Variants in EFL1 observed in about 807,000 individuals in gnomAD.
EFL1 encodes the protein elongation factor like GTPase 1.
In EFL1, 76 loss-of-function variants were observed where a neutral mutation model predicts 126.7. That is an observed-to-expected ratio of 0.60 (90% CI 0.50 to 0.73). The LOEUF is 0.73. Ranked by LOEUF, EFL1 falls within the 30% of genes least tolerant of loss-of-function variation. The pLI, the probability that EFL1 is intolerant of heterozygous loss-of-function variation, is 0.00. For synonymous variants in EFL1, 410 were observed against 448.4 expected, an observed-to-expected ratio of 0.91 and a Z score of 1.08; for missense variants, 1,128 against 1,343.2, an observed-to-expected ratio of 0.84 and a Z score of 2.50.
chr15:82,173,173 T>C (rs1344990392), intron 15 of EFL1, among the ~76,000 whole-genome samples: 1 of 152,028 alleles, frequency 6.6e-6, no homozygotes, highest in Non-Finnish European at 1.5e-5. Context: ...TATAATGAAT[T>C]CATACAATGG....
chr15:82,130,241 A>C lies in EFL1; in HGVS notation c.*132T>G. On this transcript the variant is annotated 3_prime_UTR_variant, in exon 20 of 20. Transcript: ENST00000268206. ...TGTTCTCTAACATCCTCTTTAAAATATTTATATGGATCAACTTTATTGAAA... is the reference window on the plus strand; with the variant it reads ...TGTTCTCTAACATCCTCTTTAAAATCTTTATATGGATCAACTTTATTGAAA... 9.7e-7 allele frequency: 1 copy of C among 1,028,292 alleles called. No homozygotes were observed. The highest frequency in any genetic ancestry group is 2.6e-5 in the East Asian group (1 of 38,086). 63.7% of individuals were successfully genotyped at this position (1,028,292 alleles called of 1,614,324 possible).
rs1357096617 is a variant in EFL1 at position 82,138,835 on chromosome 15, G to C, written c.2997C>G (p.Val999=). The C allele has an allele frequency of 6.2e-7, 1 of 1,612,304 alleles. No individual in the cohort carries two copies. Among genetic ancestry groups the C allele is most frequent in the Non-Finnish European group, 8.5e-7 (1 of 1,179,158 alleles). Residue 999 remains valine, a synonymous_variant, in exon 19 of 20, where the codon GTC becomes GTG. Transcript: ENST00000268206. ...CTTCTCTCTTTGACAAGACAGCATAGACTCGACCTGTAAAACCATAAATCT... is the reference window on the plus strand; with the variant it reads ...CTTCTCTCTTTGACAAGACAGCATACACTCGACCTGTAAAACCATAAATCT... ...IMATGDVLGR[V]YAVLSKREGR... is the part of the protein sequence containing the mutation.
intron 15 of EFL1, among the ~76,000 whole-genome samples, chr15:82,186,650 T>C (rs991876873): frequency 1.8e-4 from 27 of 152,350 alleles, no homozygotes; most frequent in African/African-American, 6.3e-4. Context: ...GTTTAACAAC[T>C]GGTTAACAAA....
At chr15:82,134,020 C>G (rs2073692086) in intron 19 of EFL1, among the ~76,000 whole-genome samples, 1 of 152,174 alleles carries the variant, frequency 6.6e-6, no homozygotes, top group African/African-American at 2.4e-5. Flanking sequence ...ATGCCAGTTC[C>G]CTACTTGCTT....
At chr15:82,245,706 C>T (rs111536122) in intron 4 of EFL1, among the ~76,000 whole-genome samples, 4 of 151,860 alleles carry the variant, frequency 2.6e-5, no homozygotes, top group African/African-American at 9.7e-5. Flanking sequence ...TTTGGAAGGC[C>T]AAAACAGGAA....
chr15:82,171,663 T>A (rs546457673), intron 15 of EFL1, among the ~76,000 whole-genome samples: 16 of 152,066 alleles, frequency 1.1e-4, no homozygotes, highest in Non-Finnish European at 2.1e-4. Context: ...TTTAAAAACT[T>A]CAAAACAAAA....
chr15:82,182,718 G>A (rs1412654876), intron 15 of EFL1, among the ~76,000 whole-genome samples: 1 of 151,904 alleles, frequency 6.6e-6, no homozygotes, highest in African/African-American at 2.4e-5. Context: ...CCAGCTACTC[G>A]GGAGTCTGAG....
At chr15:82,150,794 C>T (rs2073898307) in intron 18 of EFL1, among the ~76,000 whole-genome samples, 1 of 152,082 alleles carries the variant, frequency 6.6e-6, no homozygotes, top group South Asian at 2.1e-4. Context: ...AAGAATGTTG[C>T]CTTATTCTTT....
At chr15:82,227,410 C>T (rs2074775303) in intron 11 of EFL1, 40 bp downstream of exon 11, 1 of 1,613,782 alleles carries the variant, frequency 6.2e-7, no homozygotes, top group Non-Finnish European at 8.5e-7. Flanking sequence ...GGAGGACAGT[C>T]AATGACATGG....
Position 82,130,547 on chromosome 15 carries a change from G to A in EFL1, c.3189C>T (p.Asp1063=), listed in dbSNP as rs964474187. 6.2e-7 allele frequency: 1 copy of A among 1,613,784 alleles called. No individual in the cohort carries two copies. Among genetic ancestry groups the A allele is most frequent in the African/African-American group, 1.3e-5 (1 of 74,912 alleles). The change falls in exon 20 of 20, where the codon GAC becomes GAT. Residue 1063 remains aspartate, a synonymous_variant. Transcript: ENST00000268206. ...CCTCAGTAGTTGGCACCCAGAAGGG[G>A]TCACTGGGAATGATCTTGTAAAAGA... The part of the protein sequence containing the change: ...VFSHWEIIPS[D]PFWVPTTEEE...
chr15:82,166,458 C>T (rs2074080461), intron 15 of EFL1, among the ~76,000 whole-genome samples: 2 of 152,164 alleles, frequency 1.3e-5, no homozygotes, highest in Admixed American at 6.5e-5. Context: ...AACTTCACTA[C>T]CTGTACTACA....
intron 4 of EFL1, among the ~76,000 whole-genome samples, chr15:82,250,986 C>A (rs1345859147): frequency 6.6e-6 from 1 of 152,004 alleles, no homozygotes; most frequent in Non-Finnish European, 1.5e-5. Context: ...CCGAGGCGGG[C>A]GGATCACCTG....
At chr15:82,142,124 T>C (rs896559722) in intron 18 of EFL1, among the ~76,000 whole-genome samples, 5 of 152,218 alleles carry the variant, frequency 3.3e-5, no homozygotes, top group Non-Finnish European at 7.3e-5. Context: ...TTTCTGATCA[T>C]GTGGCTCTTG....
intron 15 of EFL1, among the ~76,000 whole-genome samples, chr15:82,167,434 T>C (rs2074091426): frequency 1.3e-5 from 2 of 152,194 alleles, no homozygotes; most frequent in Admixed American, 1.3e-4. Flanking sequence ...TTGTAAAGAC[T>C]GTTGAGCCAA....
chr15:82,161,074 C>T (rs11852244), intron 16 of EFL1, among the ~76,000 whole-genome samples: 23,305 of 152,088 alleles, frequency 0.15, 3,185 homozygotes, highest in African/African-American at 0.37. Flanking sequence ...TTTTGACCCC[C>T]ACTTGGGAAA....
At chr15:82,244,064 A>C (rs571206396) in intron 4 of EFL1, among the ~76,000 whole-genome samples, 27 of 152,280 alleles carry the variant, frequency 1.8e-4, no homozygotes, top group African/African-American at 6.0e-4. Context: ...TGCCATGGTC[A>C]GTTACACAGC....
intron 2 of EFL1, among the ~76,000 whole-genome samples, chr15:82,261,486 T>C (rs2075117198): frequency 6.6e-6 from 1 of 152,154 alleles, no homozygotes; most frequent in Non-Finnish European, 1.5e-5. Context: ...TATAGAAGAA[T>C]GCTACTCACT....
At chr15:82,251,432 A>G (rs2075020282) in intron 4 of EFL1, among the ~76,000 whole-genome samples, 1 of 152,254 alleles carries the variant, frequency 6.6e-6, no homozygotes, top group South Asian at 2.1e-4. Context: ...GACTCAAGGG[A>G]GGGGGACTAG....
chr15:82,135,333 C>T (rs543742927), intron 19 of EFL1, among the ~76,000 whole-genome samples: 14 of 152,018 alleles, frequency 9.2e-5, no homozygotes, highest in South Asian at 4.2e-4. Context: ...ATAAAGGAGA[C>T]GGACAACCAT....
Sources: gnomAD v4.1 joint callset for allele counts (sites outside exome capture counted in the v4.1 genomes callset) on GRCh38, gnomAD v4.1.1 for gene constraint, MANE v1.5 for transcripts, NCBI Gene and HGNC (gene_info 2026-07-23, HGNC 2026-07-21) for gene names.